Variants in OR2M3 observed in about 807,000 individuals in gnomAD.
OR2M3 encodes olfactory receptor 2M3.
In OR2M3, 1 loss-of-function variant was observed where a neutral mutation model predicts 4.3. The ratio of observed to expected loss-of-function variants is 0.23; its 90% CI spans 0.08 to 1.11. The LOEUF (loss-of-function observed/expected upper bound fraction) is 1.11, where lower values mean the gene tolerates loss of function less well. Among genes scored for constraint, OR2M3 ranks in the 50% most tolerant of loss-of-function variants. The pLI, the probability that OR2M3 is intolerant of heterozygous loss-of-function variation, is 0.54. For synonymous variants in OR2M3, 151 were observed against 139.4 expected, an observed-to-expected ratio of 1.08 and a Z score of -0.59; for missense variants, 410 against 390.4, an observed-to-expected ratio of 1.05 and a Z score of -0.42.
At position 248,209,474 on chromosome 1, in the gene OR2M3, C is replaced by T. The variant is rs2103015821; in HGVS notation, c.*5468C>T. 1 of 152,098 alleles carries T rather than the reference C, an allele frequency of 6.6e-6. No individual in the cohort carries two copies. Among genetic ancestry groups the T allele is most frequent in the South Asian group, 2.1e-4 (1 of 4,814 alleles). The allele number at this position is 152,098 out of a possible 1,614,324, so 9.4% of individuals were successfully genotyped here. On this transcript the variant is annotated 3_prime_UTR_variant, in exon 2 of 2. Coordinates refer to ENST00000641626, the MANE Select transcript of OR2M3 (RefSeq NM_001004689.2). ...AGAGGGAAGACCTGGGATTCAAGTT[C>T]TGCTGTTCAGTGTCTTTTGTCCCAC...
Position 248,203,553 on chromosome 1 carries a change from A to T in OR2M3, c.486A>T (p.Ala162=), listed in dbSNP as rs199776326. 3 of 1,613,702 alleles carry T rather than the reference A, an allele frequency of 1.9e-6. No homozygotes were observed. In the East Asian group the frequency reaches 6.7e-5, roughly 36 times the overall value. ...CGGATGGAATTATTGATGTTGTAGC[A>T]ACATTTTCCTTCTCCTACTGTGGGT... The part of the protein sequence containing the change: ...GSTDGIIDVV[A]TFSFSYCGSR... Residue 162 remains alanine, a synonymous_variant, in exon 2 of 2, where the codon GCA becomes GCT. Transcript: ENST00000641626.
At chr1:248,201,676 A>G (rs1666159193) in intron 1 of OR2M3, among the ~76,000 whole-genome samples, 1 of 142,326 alleles carries the variant, frequency 7.0e-6, no homozygotes, top group Non-Finnish European at 1.5e-5. Flanking sequence ...ATTCCCATCT[A>G]TGAGTGAGAA....
chr1:248,198,883 C>A (rs1429521333), intron 1 of OR2M3, among the ~76,000 whole-genome samples: 1 of 152,058 alleles, frequency 6.6e-6, no homozygotes, highest in Admixed American at 6.6e-5. Flanking sequence ...GTCATGAAAT[C>A]TGATGATGAT....
Position 248,204,151 on chromosome 1 carries a change from G to C in OR2M3, c.*145G>C, listed in dbSNP as rs1666198836. 1.6e-6 allele frequency: 1 copy of C among 645,108 alleles called. No homozygotes were observed. Among genetic ancestry groups the C allele is most frequent in the African/African-American group, 1.8e-5 (1 of 54,568 alleles). 40.0% of individuals were successfully genotyped at this position (645,108 alleles called of 1,614,324 possible). ...ATGTGCACCTATATAATTTATTTCAGATAAACTATTATAACTATTTATTAT... is the reference window on the plus strand; with the variant it reads ...ATGTGCACCTATATAATTTATTTCACATAAACTATTATAACTATTTATTAT... On this transcript the variant is annotated 3_prime_UTR_variant, in exon 2 of 2. Coordinates refer to ENST00000641626, the MANE Select transcript of OR2M3 (RefSeq NM_001004689.2).
At chr1:248,201,526 T>G (rs542437584) in intron 1 of OR2M3, among the ~76,000 whole-genome samples, 2 of 152,212 alleles carry the variant, frequency 1.3e-5, no homozygotes, top group South Asian at 4.1e-4. Context: ...ACATGTGCCA[T>G]GCTGGTGTGC....
In OR2M3 at chr1:248,203,218, C is replaced by A. The variant is rs1666179448; in HGVS notation, c.151C>A (p.Leu51Met). The change falls in exon 2 of 2, where the codon CTG becomes ATG. Residue 51 changes from leucine to methionine, a missense_variant. By Grantham distance (15) the Leu-to-Met change is conservative (BLOSUM62 2). Coordinates refer to ENST00000641626, the MANE Select transcript of OR2M3 (RefSeq NM_001004689.2). ...CTCTGTCATGGTTCTCCTCATCTAC[C>A]TGGACACCCAGCTCCACACCCCCAT... Reference protein sequence around the residue: ...GNSVMVLLIYLDTQLHTPMYL... With the variant: ...GNSVMVLLIYMDTQLHTPMYL... The A allele has an allele frequency of 1.2e-6, 2 of 1,613,898 alleles. No individual in the cohort carries two copies. The highest frequency in any genetic ancestry group is 4.5e-5 in the East Asian group (2 of 44,860).
intron 1 of OR2M3, among the ~76,000 whole-genome samples, chr1:248,200,288 A>G (rs1666141848): frequency 6.6e-6 from 1 of 152,160 alleles, no homozygotes; most frequent in African/African-American, 2.4e-5. Flanking sequence ...AGGTGGTTCC[A>G]TAAAGTAAGT....
rs1289712859 is a variant in OR2M3 at position 248,212,088 on chromosome 1, T to C, written c.*8082T>C. ...TATAGATTAAGTGGTCAAATAGATA[T>C]TTCCACAGTGGCTCAAAGTAATACA... On this transcript the variant is annotated 3_prime_UTR_variant, in exon 2 of 2. Coordinates refer to ENST00000641626, the MANE Select transcript of OR2M3 (RefSeq NM_001004689.2). 1 of 152,210 alleles carries C rather than the reference T, an allele frequency of 6.6e-6. No individual in the cohort carries two copies. The highest frequency in any genetic ancestry group is 1.9e-4 in the East Asian group (1 of 5,198). The allele number at this position is 152,210 out of a possible 1,614,324, so 9.4% of individuals were successfully genotyped here.
intron 1 of OR2M3, among the ~76,000 whole-genome samples, chr1:248,197,820 C>T (rs1438779199): frequency 6.6e-6 from 1 of 152,092 alleles, no homozygotes; most frequent in Admixed American, 6.6e-5. Flanking sequence ...TTCTCCCATA[C>T]ACAAAATTGT....
rs1370694288 is a variant in OR2M3 at position 248,211,469 on chromosome 1, A to G, written c.*7463A>G. 6.6e-6 allele frequency: 1 copy of G among 152,108 alleles called. No homozygotes were observed. The highest frequency in any genetic ancestry group is 1.5e-5 in the Non-Finnish European group (1 of 68,034). 9.4% of individuals were successfully genotyped at this position (152,108 alleles called of 1,614,324 possible). ...TTACAGGACTTATATTGAAATTTAGAATATAAGTAAATGTTTCTGAATTTT... is the reference window on the plus strand; with the variant it reads ...TTACAGGACTTATATTGAAATTTAGGATATAAGTAAATGTTTCTGAATTTT... On this transcript the variant is annotated 3_prime_UTR_variant, in exon 2 of 2. Coordinates refer to ENST00000641626, the MANE Select transcript of OR2M3 (RefSeq NM_001004689.2).
In OR2M3 at chr1:248,203,627, T is replaced by G; in HGVS notation, c.560T>G (p.Leu187Arg). The change falls in exon 2 of 2, where the codon CTC becomes CGC. Residue 187 changes from leucine (L) to arginine (R), a missense_variant. Coordinates refer to ENST00000641626, the MANE Select transcript of OR2M3 (RefSeq NM_001004689.2). ...TGTGACTTCCCCTCCCTACTAATCCTCTCATGCAGTGACACATCAATATTT... is the reference window on the plus strand; with the variant it reads ...TGTGACTTCCCCTCCCTACTAATCCGCTCATGCAGTGACACATCAATATTT... ...FFCDFPSLLI[L>R]SCSDTSIFEK... 1.2e-6 allele frequency: 2 copies of G among 1,613,864 alleles called. No homozygotes were observed. Among genetic ancestry groups the G allele is most frequent in the Non-Finnish European group, 1.7e-6 (2 of 1,179,826 alleles).
At position 248,203,058 on chromosome 1, in the gene OR2M3, C is replaced by T. The variant is rs772641241; in HGVS notation, c.-10C>T. On this transcript the variant is annotated 5_prime_UTR_variant, in exon 2 of 2. Transcript: ENST00000641626. ...TGGTTTTGTGGTACTAGGTAAAAAG[C>T]ATACACATCATGGCAAGGGAGAATT... 6.2e-7 allele frequency: 1 copy of T among 1,605,394 alleles called. No individual in the cohort carries two copies. The highest frequency in any genetic ancestry group is 1.1e-5 in the South Asian group (1 of 89,046).
chr1:248,201,574 T>A (rs1666157750), intron 1 of OR2M3, among the ~76,000 whole-genome samples: 5 of 151,918 alleles, frequency 3.3e-5, no homozygotes, highest in Non-Finnish European at 7.4e-5. Flanking sequence ...TAGGTATATC[T>A]CCTAATACTA....
Position 248,207,638 on chromosome 1 carries a change from T to A in OR2M3, c.*3632T>A, listed in dbSNP as rs1177119984. The A allele has an allele frequency of 2.0e-5, 3 of 152,094 alleles. No homozygotes were observed. Among genetic ancestry groups the A allele is most frequent in the Admixed American group, 6.6e-5 (1 of 15,266 alleles). The allele number at this position is 152,094 out of a possible 1,614,324, so 9.4% of individuals were successfully genotyped here. Reference sequence around the variant, plus strand: ...TTTTGAGGGTTCCTTTTGGAGTTGATTTTCAATTTTATTCTACTGTGGTCT... The same window carrying A: ...TTTTGAGGGTTCCTTTTGGAGTTGAATTTCAATTTTATTCTACTGTGGTCT... On this transcript the variant is annotated 3_prime_UTR_variant, in exon 2 of 2. Coordinates refer to ENST00000641626, the MANE Select transcript of OR2M3 (RefSeq NM_001004689.2).
Position 248,197,829 on chromosome 1 carries a change from G to T in OR2M3, c.-19+528G>T, listed in dbSNP as rs191572769. ...CAAACTTTCTCCCATACACAAAATT[G>T]TTTTAAAATACTGCATAAAATTACC... On this transcript the variant is annotated intron_variant, in intron 1 of 1. Coordinates refer to ENST00000641626, the MANE Select transcript of OR2M3 (RefSeq NM_001004689.2). Among the ~76,000 whole-genome samples, 260 of 152,080 alleles carry T rather than the reference G, an allele frequency of 1.7e-3. 2 individuals carry two copies. The highest frequency in any genetic ancestry group is 3.0e-3 in the Non-Finnish European group (204 of 67,986).
rs892341327 is a variant in OR2M3, at chr1:248,205,645, T to A, written c.*1639T>A. On this transcript the variant is annotated 3_prime_UTR_variant, in exon 2 of 2. Coordinates refer to ENST00000641626, the MANE Select transcript of OR2M3 (RefSeq NM_001004689.2). ...TCTGGGTTCTCTATTCTGTTTTGTC[T>A]GTCTATGTCTCTATTTTTATCCAGT... 6.6e-6 allele frequency: 1 copy of A among 151,968 alleles called. No homozygotes were observed. The highest frequency in any genetic ancestry group is 2.4e-5 in the African/African-American group (1 of 41,424). 9.4% of individuals were successfully genotyped at this position (151,968 alleles called of 1,614,324 possible). A position where few individuals can be genotyped will look rare whatever the true frequency, so the allele number is the denominator to read the frequency against.
In OR2M3 at chr1:248,208,836, G is replaced by A. The variant is rs1178515578; in HGVS notation, c.*4830G>A. On this transcript the variant is annotated 3_prime_UTR_variant, in exon 2 of 2. Transcript: ENST00000641626. ...GATCTTTTTGTCATGAATTTCCCAGGTGTTCTTTGAGCTTCTTGAGTTTGG... is the reference window on the plus strand; with the variant it reads ...GATCTTTTTGTCATGAATTTCCCAGATGTTCTTTGAGCTTCTTGAGTTTGG... 1 of 152,094 alleles carries A rather than the reference G, an allele frequency of 6.6e-6. No individual in the cohort carries two copies. Among genetic ancestry groups the A allele is most frequent in the African/African-American group, 2.4e-5 (1 of 41,412 alleles). 9.4% of individuals were successfully genotyped at this position (152,094 alleles called of 1,614,324 possible).
At position 248,202,669 on chromosome 1, in the gene OR2M3, T is replaced by C. The variant is rs184832822; in HGVS notation, c.-18-381T>C. On this transcript the variant is annotated intron_variant, in intron 1 of 1. Coordinates refer to ENST00000641626, the MANE Select transcript of OR2M3 (RefSeq NM_001004689.2). Reference sequence around the variant, plus strand: ...CATTTATTCTCCATTTCTAGTACTGTGATGGTCACATGCTGACTGAAGCTG... The same window carrying C: ...CATTTATTCTCCATTTCTAGTACTGCGATGGTCACATGCTGACTGAAGCTG... Among the ~76,000 whole-genome samples the C allele has an allele frequency of 5.7e-4, 87 of 152,188 alleles. 1 individual carries two copies. In the East Asian group the frequency reaches 0.011, roughly 19 times the overall value.
intron 1 of OR2M3, among the ~76,000 whole-genome samples, chr1:248,202,534 G>A (rs749514657): frequency 1.3e-5 from 2 of 152,066 alleles, no homozygotes; most frequent in Admixed American, 1.3e-4. Context: ...TCCAATTACT[G>A]TATAGAAAAC....
Sources: allele counts gnomAD v4.1 joint callset (sites outside exome capture counted in the v4.1 genomes callset), GRCh38; gene constraint gnomAD v4.1.1; transcripts MANE v1.5; gene names NCBI Gene and HGNC (gene_info 2026-07-23, HGNC 2026-07-21).